Variants in DET1 observed in about 807,000 individuals in gnomAD.
DET1 encodes the protein DET1 homolog.
In DET1, 22 loss-of-function variants were observed where a neutral mutation model predicts 43.7. The ratio of observed to expected loss-of-function variants is 0.50; its 90% CI spans 0.36 to 0.72. The LOEUF is 0.72. DET1 is among the 30% of genes least tolerant of loss of function. The pLI is 0.00. For missense variants in DET1, 713 were observed against 713.3 expected (o/e 1.00, Z 0.00); for synonymous variants, 315 against 266.2 (o/e 1.18, Z -1.79).
chr15:88,505,033 C>A (rs1236060420), intron 7 of DET1: 1 of 152,166 alleles, frequency 6.6e-6, no homozygotes, highest in Non-Finnish European at 1.5e-5. Context: ...ATTCAAAAAG[C>A]GCTTTTGGCC....
intron 4 of DET1, among the ~76,000 whole-genome samples, chr15:88,515,332 G>A (rs968673435): frequency 1.9e-4 from 29 of 152,112 alleles, no homozygotes; most frequent in Admixed American, 1.4e-3. Context: ...CTGAGGTCAA[G>A]ATTTCGAGGC....
At position 88,539,431 on chromosome 15, in the gene DET1, GC is replaced by G. The variant is rs974398067; in HGVS notation, c.-11+7108del. On this transcript the variant is annotated intron_variant, in intron 1 of 4. Coordinates refer to ENST00000268148, the MANE Select transcript of DET1 (RefSeq NM_001144074.3). ...ATCTGACTGATCCCATCACGGGAGG[GC>G]CCCCCCTTGTCTGTCTAAAAAAAAA... Among the ~76,000 whole-genome samples the G allele has an allele frequency of 2.7e-3, 395 of 144,104 alleles. 2 individuals are homozygous for G. The highest frequency in any genetic ancestry group is 9.5e-3 in the African/African-American group (367 of 38,630). The allele number at this position is 144,104 out of a possible 152,430, so 94.5% of individuals were successfully genotyped here.
Position 88,512,596 on chromosome 15 carries a change from G to T in DET1, c.*355C>A. ...AGTAAACAAGATTTAACTGCTTTCA[G>T]ATGCAAACCATAATGCCGAAGAAGT... is the stretch of plus-strand genomic sequence containing the variant. On this transcript the variant is annotated 3_prime_UTR_variant, in exon 5 of 5. Transcript: ENST00000268148. 2.0e-6 allele frequency: 2 copies of T among 1,024,878 alleles called. No homozygotes were observed. The highest frequency in any genetic ancestry group is 2.3e-6 in the Non-Finnish European group (2 of 855,778). 63.5% of individuals were successfully genotyped at this position (1,024,878 alleles called of 1,614,324 possible). A position where few individuals can be genotyped will look rare whatever the true frequency, so the allele number is the denominator to read the frequency against.
chr15:88,523,678 T>A (rs1311244913), intron 3 of DET1, among the ~76,000 whole-genome samples: 1 of 152,218 alleles, frequency 6.6e-6, no homozygotes, highest in African/African-American at 2.4e-5. Flanking sequence ...TGACCGCGAG[T>A]GATCTGCCCG....
At chr15:88,534,863 G>A (rs1233092417) in intron 1 of DET1, among the ~76,000 whole-genome samples, 1 of 152,138 alleles carries the variant, frequency 6.6e-6, no homozygotes, top group Non-Finnish European at 1.5e-5. Flanking sequence ...ATTTAAACAA[G>A]CCCTATCATC....
intron 1 of DET1, among the ~76,000 whole-genome samples, chr15:88,534,268 T>A (rs1017460201): frequency 1.3e-5 from 2 of 152,210 alleles, no homozygotes; most frequent in African/African-American, 4.8e-5. Flanking sequence ...GTTATAAAGC[T>A]GTTGCCAGAT....
intron 1 of DET1, among the ~76,000 whole-genome samples, chr15:88,543,159 G>A (rs1039124497): frequency 6.6e-6 from 1 of 152,150 alleles, no homozygotes; most frequent in African/African-American, 2.4e-5. Flanking sequence ...TTGTCCATGA[G>A]AGCCAGGGAA....
chr15:88,512,633 G>T lies in DET1; in HGVS notation c.*318C>A. The T allele has an allele frequency of 1.7e-5, 19 of 1,087,076 alleles. No homozygotes were observed. The highest frequency in any genetic ancestry group is 2.0e-5 in the Non-Finnish European group (18 of 895,280). The allele number at this position is 1,087,076 out of a possible 1,614,324, so 67.3% of individuals were successfully genotyped here. A position where few individuals can be genotyped will look rare whatever the true frequency, so the allele number is the denominator to read the frequency against. ...AATGCCGAAGAAGTGACATGAAGGG[G>T]ATAAAAGTCTAATGCTTTCATCTTC... On this transcript the variant is annotated 3_prime_UTR_variant, in exon 5 of 5. Coordinates refer to ENST00000268148, the MANE Select transcript of DET1 (RefSeq NM_001144074.3).
chr15:88,534,226 TA>T (rs1037666702), intron 1 of DET1, among the ~76,000 whole-genome samples: 1 of 152,162 alleles, frequency 6.6e-6, no homozygotes, highest in Non-Finnish European at 1.5e-5. Flanking sequence ...TCACAGGCCA[TA>T]AAAGTCAACG....
intron 1 of DET1, among the ~76,000 whole-genome samples, chr15:88,541,363 C>T (rs1346324585): frequency 2.0e-5 from 3 of 151,614 alleles, no homozygotes; most frequent in African/African-American, 7.3e-5. Context: ...TAAGGGAACT[C>T]AGAGGCTGGC....
downstream of DET1, among the ~76,000 whole-genome samples, chr15:88,510,040 T>G (rs2056180764): frequency 6.6e-6 from 1 of 152,190 alleles, no homozygotes; most frequent in Non-Finnish European, 1.5e-5. Flanking sequence ...AATCACTGCA[T>G]GTGGGGTCTT....
intron 1 of DET1, among the ~76,000 whole-genome samples, chr15:88,536,770 C>CAAAAAAAAAAAAAAAA (rs58177778): frequency 2.9e-4 from 14 of 48,066 alleles, no homozygotes; most frequent in African/African-American, 1.2e-3. Flanking sequence ...GACTCCATCT[C>CAAAAAAAAAAAAAAAA]AAAAAAAAAA....
intron 1 of DET1, among the ~76,000 whole-genome samples, chr15:88,541,404 C>T (rs1277759584): frequency 2.6e-5 from 4 of 151,152 alleles, no homozygotes; most frequent in Non-Finnish European, 4.4e-5. Flanking sequence ...CGCTGGTTCC[C>T]CGGGTCCCCT....
chr15:88,509,061 T>C (rs1160654974), downstream of DET1, among the ~76,000 whole-genome samples: 1 of 152,192 alleles, frequency 6.6e-6, no homozygotes, highest in Non-Finnish European at 1.5e-5. Flanking sequence ...AGGGAACAAG[T>C]ACAGATGCAA....
chr15:88,536,637 G>A lies in DET1; in HGVS notation c.-10-4922C>T, dbSNP rs144581230. Among the ~76,000 whole-genome samples, 563 of 151,886 alleles carry A rather than the reference G, an allele frequency of 3.7e-3. 3 individuals are homozygous for A. Among genetic ancestry groups the A allele is most frequent in the African/African-American group, 0.013 (549 of 41,396 alleles). On this transcript the variant is annotated intron_variant, in intron 1 of 4. Transcript: ENST00000268148. ...TACTAAAAATACAAAAATTAGCTGG[G>A]CATGGTGGCGGGGACTCCAGCTACA...
Position 88,530,821 on chromosome 15 carries a change from G to A in DET1, c.885C>T (p.Leu295=). 2.5e-6 allele frequency: 4 copies of A among 1,613,972 alleles called. No homozygotes were observed. Among genetic ancestry groups the A allele is most frequent in the Non-Finnish European group, 3.4e-6 (4 of 1,179,858 alleles). The part of the protein sequence containing the change: ...NPFRDPFINS[L]KHRLLVYLWR... ...ACAAATATACCAGCAACCGGTGTTT[G>A]AGGGAATTGATGAAAGGATCCCTAA... Residue 295 remains leucine, a synonymous_variant, in exon 2 of 5, where the codon CTC becomes CTT. Coordinates refer to ENST00000268148, the MANE Select transcript of DET1 (RefSeq NM_001144074.3).
intron 1 of DET1, among the ~76,000 whole-genome samples, chr15:88,543,914 C>T (rs879517492): frequency 9.2e-5 from 14 of 152,240 alleles, no homozygotes; most frequent in African/African-American, 1.7e-4. Flanking sequence ...CCTAGGCCAC[C>T]GTCTCTGAGA....
At chr15:88,505,618 T>C (rs184303104) in intron 7 of DET1, 2 of 152,226 alleles carry the variant, frequency 1.3e-5, no homozygotes, top group South Asian at 2.1e-4. Context: ...CACACCCAGT[T>C]TGCACATCCA....
chr15:88,531,231 C>T lies in DET1; in HGVS notation c.475G>A (p.Ala159Thr). 6.2e-7 allele frequency: 1 copy of T among 1,613,892 alleles called. No homozygotes were observed. Among genetic ancestry groups the T allele is most frequent in the Non-Finnish European group, 8.5e-7 (1 of 1,179,858 alleles). Reference protein sequence around the residue: ...DDCRCVIVGSAAYLPDEPHPP... With the variant: ...DDCRCVIVGSTAYLPDEPHPP... ...TGAGGCTCATCTGGGAGGTAGGCAG[C>T]TGAGCCCACGATGACACAGCGGCAG... is the stretch of plus-strand genomic sequence containing the variant. The change falls in exon 2 of 5, where the codon GCT (alanine) becomes ACT (threonine). Residue 159 changes from alanine to threonine, a missense_variant. By Grantham distance (58) the Ala-to-Thr change is moderately conservative. Transcript: ENST00000268148. This position sits in a 1 kb window ranked among gnomAD's most constrained non-coding sequence, Gnocchi z 6.2.
Sources: gnomAD v4.1 joint callset for allele counts (sites outside exome capture counted in the v4.1 genomes callset) on GRCh38, gnomAD v4.1.1 for gene constraint, Gnocchi (gnomAD v3.1) non-coding constraint, MANE v1.5 for transcripts, NCBI Gene and HGNC (gene_info 2026-07-23, HGNC 2026-07-21) for gene names.